SLC9C2: variants seen among roughly 807,000 people sequenced by gnomAD.
SLC9C2 encodes the protein sodium/hydrogen exchanger 11.
In SLC9C2, 75 loss-of-function variants were observed where a neutral mutation model predicts 140.2. That is an observed-to-expected ratio of 0.53 (90% CI 0.44 to 0.65). SLC9C2 has a LOEUF of 0.65. Among genes scored for constraint, SLC9C2 ranks in the 30% least tolerant of loss-of-function variants. The pLI is 0.00. For synonymous variants in SLC9C2, 375 were observed against 420.9 expected, an observed-to-expected ratio of 0.89 and a Z score of 1.34; for missense variants, 1,074 against 1,331.8, an observed-to-expected ratio of 0.81 and a Z score of 3.01.
chr1:173,519,310 T>C (rs728908), intron 22 of SLC9C2, among the ~76,000 whole-genome samples: 30,642 of 152,022 alleles, frequency 0.2, 4,293 homozygotes, highest in East Asian at 0.65. Context: ...TTCTGTTCAA[T>C]AGCCGTAAAG....
At position 173,546,538 on chromosome 1, in the gene SLC9C2, G is replaced by A. The variant is rs142295174; in HGVS notation, c.1557+1151C>T. Among the ~76,000 whole-genome samples the A allele has an allele frequency of 5.4e-3, 825 of 152,180 alleles. 3 individuals are homozygous for A. Among genetic ancestry groups the A allele is most frequent in the Admixed American group, 8.6e-3 (132 of 15,280 alleles). On this transcript the variant is annotated intron_variant, in intron 13 of 27. Transcript: ENST00000367714. ...GGAGGTTGCAGTGAGTCAAGATCGC[G>A]CCACTGCACTCCAGCCTGGATGACA...
chr1:173,554,727 CT>C lies in SLC9C2; in HGVS notation c.1297+5del, dbSNP rs1663552629. 2 of 1,581,636 alleles carry C rather than the reference CT, an allele frequency of 1.3e-6. No individual in the cohort carries two copies. Among genetic ancestry groups the C allele is most frequent in the South Asian group, 2.2e-5 (2 of 90,220 alleles). ...AGCTAATTCATGAATGAGACACATACTTTACCTAACTTCCTGGCTGACTGAG... is the reference window on the plus strand; with the variant it reads ...AGCTAATTCATGAATGAGACACATACTTACCTAACTTCCTGGCTGACTGAG... On this transcript the variant is annotated splice_donor_5th_base_variant and intron_variant, in intron 11 of 27. Transcript: ENST00000367714.
At chr1:173,551,246 T>G (rs573933879) in intron 11 of SLC9C2, among the ~76,000 whole-genome samples, 1 of 152,328 alleles carries the variant, frequency 6.6e-6, no homozygotes, top group East Asian at 1.9e-4. Flanking sequence ...GAGAAACCTT[T>G]TGATTACCAA....
intron 27 of SLC9C2, 152 bp downstream of exon 27, chr1:173,503,114 G>T: frequency 1.8e-6 from 1 of 554,916 alleles, no homozygotes; most frequent in South Asian, 2.9e-5. Flanking sequence ...ATTTAAATGG[G>T]GTTTATTCTA....
At chr1:173,598,099 T>C (rs1332669424) in intron 3 of SLC9C2, 67 bp from the exon 4 acceptor site, 2 of 1,468,876 alleles carry the variant, frequency 1.4e-6, no homozygotes. Flanking sequence ...ACTAGGTTGA[T>C]GCTGTCAATC....
chr1:173,601,861 T>G lies in SLC9C2; in HGVS notation c.-79-6A>C. ...TTTCACTTCTGCATGCTAACCTGTA[T>G]AGCATGCAAAAAGAACATGAGACCT... On this transcript the variant is annotated splice_polypyrimidine_tract_variant and splice_region_variant and intron_variant, in intron 1 of 27. Coordinates refer to ENST00000367714, the MANE Select transcript of SLC9C2 (RefSeq NM_178527.4). 3 of 1,516,204 alleles carry G rather than the reference T, an allele frequency of 2.0e-6. No individual in the cohort carries two copies. In the South Asian group the frequency reaches 3.8e-5, roughly 19 times the overall value. 93.9% of individuals were successfully genotyped at this position (1,516,204 alleles called of 1,614,324 possible).
chr1:173,507,627 A>T (rs1162036339), intron 24 of SLC9C2, among the ~76,000 whole-genome samples: 1 of 152,178 alleles, frequency 6.6e-6, no homozygotes, highest in Admixed American at 6.5e-5. Context: ...ATTAGTTAAG[A>T]TGAAGTCATA....
rs757052081 is a variant in SLC9C2 at position 173,506,901 on chromosome 1, C to T, written c.3180G>A (p.Glu1060=). Reference sequence around the variant, plus strand: ...TAATGCAAGGTGCAAAATATGGTTCCTCTGTCTTAGTATCAATTACACTGC... The same window carrying T: ...TAATGCAAGGTGCAAAATATGGTTCTTCTGTCTTAGTATCAATTACACTGC... ...VYGSVIDTKT[E]EPYFAPCIIP... is the part of the protein sequence containing the mutation. The change falls in exon 25 of 28, where the codon GAG becomes GAA. Residue 1060 remains glutamate (E), a synonymous_variant. Transcript: ENST00000367714. The T allele has an allele frequency of 8.7e-6, 14 of 1,613,572 alleles. No homozygotes were observed. The highest frequency in any genetic ancestry group is 1.7e-4 in the Middle Eastern group (1 of 6,058).
rs142256959 is a variant in SLC9C2, at chr1:173,581,862, T to C, written c.787A>G (p.Met263Val). The change falls in exon 7 of 28, where the codon ATG (methionine) becomes GTG (valine). Residue 263 changes from methionine (M) to valine (V), a missense_variant. Met to Val is a conservative substitution (Grantham distance 21). Transcript: ENST00000367714. Reference protein sequence around the residue: ...NIILCFSMVYMTFYIVEFLGM... With the variant: ...NIILCFSMVYVTFYIVEFLGM... ...TCAGCCTTACCAATATAGAAAGTCATGTACACCATTGAAAAGCAGAGAATG... is the reference window on the plus strand; with the variant it reads ...TCAGCCTTACCAATATAGAAAGTCACGTACACCATTGAAAAGCAGAGAATG... 17 of 1,585,886 alleles carry C rather than the reference T, an allele frequency of 1.1e-5. No individual in the cohort carries two copies. Among genetic ancestry groups the C allele is most frequent in the Middle Eastern group, 1.7e-4 (1 of 5,976 alleles).
At chr1:173,541,260 G>T (rs1268698600) in intron 13 of SLC9C2, among the ~76,000 whole-genome samples, 3 of 151,702 alleles carry the variant, frequency 2.0e-5, no homozygotes, top group African/African-American at 7.3e-5. Context: ...AAGAGACAAA[G>T]GCGGCCATTA....
chr1:173,517,331 G>A (rs569740095), intron 23 of SLC9C2, among the ~76,000 whole-genome samples: 1 of 152,274 alleles, frequency 6.6e-6, no homozygotes, highest in South Asian at 2.1e-4. Context: ...GACTTAAGGA[G>A]GTTAAATAAC....
chr1:173,543,117 C>T (rs963950094), intron 13 of SLC9C2, among the ~76,000 whole-genome samples: 13 of 152,178 alleles, frequency 8.5e-5, no homozygotes, highest in Admixed American at 5.9e-4. Context: ...ACCCCATTGT[C>T]TCACCCCAAA....
chr1:173,594,140 C>G (rs1666321211), intron 4 of SLC9C2, among the ~76,000 whole-genome samples: 1 of 152,130 alleles, frequency 6.6e-6, no homozygotes, highest in South Asian at 2.1e-4. Flanking sequence ...GATACATTTT[C>G]AGAGAAACAA....
At chr1:173,519,339 C>T in intron 22 of SLC9C2, among the ~76,000 whole-genome samples, 1 of 152,168 alleles carries the variant, frequency 6.6e-6, no homozygotes, top group Admixed American at 6.5e-5. Flanking sequence ...GATCTGCCAA[C>T]AACCTCAAAG....
intron 27 of SLC9C2, among the ~76,000 whole-genome samples, chr1:173,501,745 G>T (rs937259463): frequency 6.6e-6 from 1 of 151,956 alleles, no homozygotes; most frequent in Non-Finnish European, 1.5e-5. Context: ...GTGAAATAAG[G>T]TCCCTTTAAG....
At chr1:173,532,719 G>A (rs992676114) in intron 17 of SLC9C2, among the ~76,000 whole-genome samples, 5 of 152,116 alleles carry the variant, frequency 3.3e-5, no homozygotes, top group Admixed American at 2.0e-4. Flanking sequence ...CTTACTATAC[G>A]CCAGGCACTG....
intron 20 of SLC9C2, among the ~76,000 whole-genome samples, chr1:173,524,307 GAACCTA>G (rs1661042142): frequency 6.6e-6 from 1 of 152,062 alleles, no homozygotes; most frequent in South Asian, 2.1e-4. Flanking sequence ...AACTCAGATT[GAACCTA>G]TCATCTTCAT....
At chr1:173,542,380 CA>C (rs970377715) in intron 13 of SLC9C2, among the ~76,000 whole-genome samples, 24 of 151,852 alleles carry the variant, frequency 1.6e-4, no homozygotes, top group African/African-American at 5.3e-4. Context: ...GCCTACCAAC[CA>C]AAAAAAGTCC....
At chr1:173,536,214 GC>G in intron 14 of SLC9C2, among the ~76,000 whole-genome samples, 1 of 152,142 alleles carries the variant, frequency 6.6e-6, no homozygotes, top group South Asian at 2.1e-4. Flanking sequence ...TTGGAATCAA[GC>G]TTTCCTTTGT....
Sources: allele counts gnomAD v4.1 joint callset (sites outside exome capture counted in the v4.1 genomes callset), GRCh38; gene constraint gnomAD v4.1.1; transcripts MANE v1.5; gene names NCBI Gene and HGNC (gene_info 2026-07-23, HGNC 2026-07-21).